PITPNM3: variants seen among roughly 807,000 people sequenced by gnomAD.
PITPNM3 encodes membrane-associated phosphatidylinositol transfer protein 3.
Under a neutral mutation model 102.0 loss-of-function variants are expected in PITPNM3, and 26 were observed. That is an observed-to-expected ratio of 0.25 (90% CI 0.19 to 0.35). The LOEUF (loss-of-function observed/expected upper bound fraction) is 0.35. Among genes scored for constraint, PITPNM3 ranks in the 10% least tolerant of loss-of-function variants. PITPNM3 has a pLI of 1.00. For missense variants in PITPNM3, 1,083 were observed against 1,346.1 expected (o/e 0.80, Z 3.06); for synonymous variants, 578 against 558.6 (o/e 1.03, Z -0.49).
intron 1 of PITPNM3, among the ~76,000 whole-genome samples, chr17:6,555,290 A>C (rs1341760648): frequency 6.6e-6 from 1 of 152,204 alleles, no homozygotes; most frequent in African/African-American, 2.4e-5. Flanking sequence ...CAGTGCCTGC[A>C]CAGGGAGACG....
chr17:6,490,762 C>T (rs534604296), intron 4 of PITPNM3, among the ~76,000 whole-genome samples: 3 of 151,506 alleles, frequency 2.0e-5, no homozygotes, highest in African/African-American at 7.3e-5. Flanking sequence ...TCGAGACCAG[C>T]CCGGCCAACC....
intron 4 of PITPNM3, among the ~76,000 whole-genome samples, chr17:6,485,337 T>C (rs1906022492): frequency 6.6e-6 from 1 of 151,900 alleles, no homozygotes; most frequent in Non-Finnish European, 1.5e-5. Context: ...TTTGTATTTT[T>C]TGTAGAGACG....
chr17:6,505,257 A>AATAAGTG (rs1311920545), intron 3 of PITPNM3, among the ~76,000 whole-genome samples: 1 of 150,644 alleles, frequency 6.6e-6, no homozygotes, highest in Non-Finnish European at 1.5e-5. Context: ...ACAGGTGTTC[A>AATAAGTG]ATAAGTGAGG....
At chr17:6,503,082 C>T (rs1055928115) in intron 4 of PITPNM3, among the ~76,000 whole-genome samples, 2 of 152,218 alleles carry the variant, frequency 1.3e-5, no homozygotes, top group Non-Finnish European at 2.9e-5. Context: ...CTCATTCAGT[C>T]ATGTCAGTCA....
Position 6,451,297 on chromosome 17 carries a change from A to C in PITPNM3, c.*4041T>G, listed in dbSNP as rs897930581. On this transcript the variant is annotated 3_prime_UTR_variant, in exon 20 of 20. Coordinates refer to ENST00000262483, the MANE Select transcript of PITPNM3 (RefSeq NM_031220.4). ...AGAAGGTTTTTATTTAAGTGACAAC[A>C]TTTGAGAGCTAAAAACCAGCTCACA... 10 of 152,242 alleles carry C rather than the reference A, an allele frequency of 6.6e-5. No homozygotes were observed. Among genetic ancestry groups the C allele is most frequent in the African/African-American group, 2.4e-4 (10 of 41,468 alleles). The allele number at this position is 152,242 out of a possible 1,614,324, so 9.4% of individuals were successfully genotyped here.
In PITPNM3 at chr17:6,461,564, G is replaced by A. The variant is rs776840976; in HGVS notation, c.2307-8C>T. 6.8e-6 allele frequency: 11 copies of A among 1,614,008 alleles called. No homozygotes were observed. The highest frequency in any genetic ancestry group is 9.3e-6 in the Non-Finnish European group (11 of 1,179,936). On this transcript the variant is annotated splice_polypyrimidine_tract_variant and splice_region_variant and intron_variant, in intron 17 of 19. Transcript: ENST00000262483. ...CCCAAGTCCTGCCAGTGCCTGGTGA[G>A]ATGGCATTAGAAGGGTCCAGCCCTG...
In PITPNM3 at chr17:6,453,018, CTCTCTG is replaced by C. The variant is rs1913925780; in HGVS notation, c.*2314_*2319del. ...TGTCTTCCTTTCTCTCTCTCTCTCT[CTCTCTG>C]CCTTCCTGTCTTTCTTTCTCCCTCT... On this transcript the variant is annotated 3_prime_UTR_variant, in exon 20 of 20. Coordinates refer to ENST00000262483, the MANE Select transcript of PITPNM3 (RefSeq NM_031220.4). The C allele has an allele frequency of 7.6e-6, 1 of 131,526 alleles. No individual in the cohort carries two copies. The highest frequency in any genetic ancestry group is 2.5e-5 in the African/African-American group (1 of 39,330). The allele number at this position is 131,526 out of a possible 1,614,324, so 8.1% of individuals were successfully genotyped here.
At chr17:6,555,659 CCAGCT>C (rs1446694950) in intron 1 of PITPNM3, among the ~76,000 whole-genome samples, 1 of 152,196 alleles carries the variant, frequency 6.6e-6, no homozygotes, top group Non-Finnish European at 1.5e-5. Context: ...GCCCCGGTGC[CCAGCT>C]CAGGGTCTGG....
In PITPNM3 at chr17:6,556,488, C is replaced by A. The variant is rs1002911670; in HGVS notation, c.-82G>T. On this transcript the variant is annotated 5_prime_UTR_variant, in exon 1 of 20. Coordinates refer to ENST00000262483, the MANE Select transcript of PITPNM3 (RefSeq NM_031220.4). The surrounding 1 kb of genome is among the most constrained non-coding windows in gnomAD (Gnocchi z 5.2). ...GGCCCCGACCGCCTCCGGCCCCGAACGGACTCCGAGCGCCGCGCCCGCGCC... is the reference window on the plus strand; with the variant it reads ...GGCCCCGACCGCCTCCGGCCCCGAAAGGACTCCGAGCGCCGCGCCCGCGCC... 8.1e-6 allele frequency: 8 copies of A among 982,934 alleles called. No homozygotes were observed. The East Asian group carries it at 4.8e-4, about 59-fold the overall frequency. 60.9% of individuals were successfully genotyped at this position (982,934 alleles called of 1,614,324 possible).
rs150384397 is a variant in PITPNM3, at chr17:6,516,882, AG to A, written c.226+8473del. ...CTGTCTCTATTAAAAAAAGAAAGAA[AG>A]AAAAAAAAATTTAAAAACGTAAATC... is the stretch of plus-strand genomic sequence containing the variant. On this transcript the variant is annotated intron_variant, in intron 3 of 19. Transcript: ENST00000262483. Among the ~76,000 whole-genome samples, 633 of 152,206 alleles carry A rather than the reference AG, an allele frequency of 4.2e-3. 6 individuals are homozygous for A. Among genetic ancestry groups the A allele is most frequent in the African/African-American group, 0.014 (596 of 41,522 alleles).
intron 4 of PITPNM3, among the ~76,000 whole-genome samples, chr17:6,496,053 G>T (rs368813687): frequency 6.6e-6 from 1 of 152,174 alleles, no homozygotes. Context: ...GGTCTCTGCT[G>T]AAGGCTCATG....
Position 6,478,478 on chromosome 17 carries a change from T to C in PITPNM3, c.777+69A>G. On this transcript the variant is annotated intron_variant, in intron 7 of 19. Coordinates refer to ENST00000262483, the MANE Select transcript of PITPNM3 (RefSeq NM_031220.4). The surrounding 1 kb of genome is among the most constrained non-coding windows in gnomAD (Gnocchi z 4.4). The stretch of plus-strand genomic sequence containing the variant: ...GCCTGGCCTTGGCCCTTTCAGTAGA[T>C]TCCAGCCTCTCTCCCAGGCCGGGGC... 6.3e-7 allele frequency: 1 copy of C among 1,580,020 alleles called. No homozygotes were observed. Among genetic ancestry groups the C allele is most frequent in the South Asian group, 1.1e-5 (1 of 89,130 alleles).
chr17:6,484,394 T>TGTAAGC, intron 4 of PITPNM3, 102 bp from the exon 5 acceptor site: 1 of 1,193,234 alleles, frequency 8.4e-7, no homozygotes, highest in Non-Finnish European at 1.2e-6. Flanking sequence ...TTGGCTTACA[T>TGTAAGC]CACAGGTGAG....
At chr17:6,545,073 C>T (rs1235862675) in intron 1 of PITPNM3, among the ~76,000 whole-genome samples, 4 of 152,180 alleles carry the variant, frequency 2.6e-5, no homozygotes, top group Admixed American at 1.3e-4. Flanking sequence ...CCGCTCCCAC[C>T]TGACTGCTTC....
At chr17:6,511,770 T>G (rs1597394198) in intron 3 of PITPNM3, among the ~76,000 whole-genome samples, 1 of 151,770 alleles carries the variant, frequency 6.6e-6, no homozygotes, top group East Asian at 1.9e-4. Context: ...GATCATGAGG[T>G]CAGGAGTTTG....
chr17:6,464,764 G>A lies in PITPNM3; in HGVS notation c.1898C>T (p.Thr633Met), dbSNP rs554874891. The A allele has an allele frequency of 1.4e-5, 22 of 1,614,162 alleles. No homozygotes were observed. Among genetic ancestry groups the A allele is most frequent in the South Asian group, 5.5e-5 (5 of 91,078 alleles). Reference sequence around the variant, plus strand: ...CACATCATTGGCCCGGTGATTAGCCGTGACATTCTGGAAGGACAGAAAGAA... The same window carrying A: ...CACATCATTGGCCCGGTGATTAGCCATGACATTCTGGAAGGACAGAAAGAA... ...KRTQVKLRNV[T>M]ANHRANDVIA... is the part of the protein sequence containing the mutation. Residue 633 changes from threonine to methionine, a missense_variant, in exon 15 of 20, where the codon ACG becomes ATG. Coordinates refer to ENST00000262483, the MANE Select transcript of PITPNM3 (RefSeq NM_031220.4).
At chr17:6,515,395 C>T (rs1225051452) in intron 3 of PITPNM3, among the ~76,000 whole-genome samples, 1 of 76,624 alleles carries the variant, frequency 1.3e-5, no homozygotes, top group African/African-American at 6.4e-5. Context: ...GAGACTCCAT[C>T]TCAAAAAAAA....
intron 2 of PITPNM3, among the ~76,000 whole-genome samples, chr17:6,534,766 C>T (rs1346403182): frequency 6.6e-6 from 1 of 151,886 alleles, no homozygotes; most frequent in African/African-American, 2.4e-5. Context: ...TTCCTCTGGT[C>T]ATTTTTGTAT....
chr17:6,467,117 G>A, intron 14 of PITPNM3, among the ~76,000 whole-genome samples: 1 of 146,472 alleles, frequency 6.8e-6, no homozygotes, highest in Admixed American at 6.8e-5. Context: ...CCCAAAAAAT[G>A]TCCATCAGGT....
Sources: allele counts gnomAD v4.1 joint callset (sites outside exome capture counted in the v4.1 genomes callset), GRCh38; gene constraint gnomAD v4.1.1; non-coding constraint Gnocchi (gnomAD v3.1); transcripts MANE v1.5; gene names NCBI Gene and HGNC (gene_info 2026-07-23, HGNC 2026-07-21).